LRBA: variants seen among roughly 807,000 people sequenced by gnomAD.
LRBA encodes the protein LPS responsive beige-like anchor protein.
In LRBA, 176 loss-of-function variants were observed where a neutral mutation model predicts 330.0. The ratio of observed to expected loss-of-function variants is 0.53; its 90% CI spans 0.47 to 0.60. The LOEUF is 0.60. Among genes scored for constraint, LRBA ranks in the 20% least tolerant of loss-of-function variants. The pLI is 0.00. For missense variants in LRBA, 3,259 were observed against 3,444.8 expected (o/e 0.95, Z 1.35); for synonymous variants, 1,230 against 1,193.0 (o/e 1.03, Z -0.64).
At chr4:150,422,624 A>G in intron 46 of LRBA, 1 of 597,336 alleles carries the variant, frequency 1.7e-6, no homozygotes, top group Admixed American at 2.7e-5. Flanking sequence ...ACAAGGTTCC[A>G]TGAAGAGCAC....
chr4:150,352,551 C>T (rs986185800), intron 47 of LRBA, among the ~76,000 whole-genome samples: 12 of 152,102 alleles, frequency 7.9e-5, no homozygotes, highest in African/African-American at 2.7e-4. Context: ...AAATGCTTTA[C>T]ATTTACAAAT....
chr4:150,349,843 G>C, intron 48 of LRBA, 149 bp downstream of exon 48: 1 of 614,902 alleles, frequency 1.6e-6, no homozygotes. Flanking sequence ...TTCTTGCTAG[G>C]TCACTGATAA....
chr4:150,413,676 G>A (rs943806624), intron 47 of LRBA, among the ~76,000 whole-genome samples: 1 of 152,164 alleles, frequency 6.6e-6, no homozygotes, highest in Non-Finnish European at 1.5e-5. Flanking sequence ...ACTCGTGAGT[G>A]TTCTAAAGCT....
Position 150,828,356 on chromosome 4 carries a change from C to G in LRBA, c.4995G>C (p.Lys1665Asn). ...KNDRGNDLDT[K>N]ATPSVSVSKN... ...TTGAAACTGAAACTGACGGTGTAGCCTTAGTGTCCAAGTCATTTCCTCTAT... is the reference window on the plus strand; with the variant it reads ...TTGAAACTGAAACTGACGGTGTAGCGTTAGTGTCCAAGTCATTTCCTCTAT... The change falls in exon 30 of 57, where the codon AAG (lysine) becomes AAC (asparagine). Residue 1665 changes from lysine to asparagine, a missense_variant. Lys to Asn is a moderately conservative substitution (Grantham distance 94, BLOSUM62 0). Transcript: ENST00000651943. 6.2e-7 allele frequency: 1 copy of G among 1,614,096 alleles called. No individual in the cohort carries two copies.
chr4:150,442,896 A>G (rs1401908793), intron 44 of LRBA, among the ~76,000 whole-genome samples: 2 of 152,190 alleles, frequency 1.3e-5, no homozygotes, highest in Non-Finnish European at 2.9e-5. Flanking sequence ...TTGATTAGGG[A>G]ATAATGATTT....
intron 44 of LRBA, among the ~76,000 whole-genome samples, chr4:150,444,877 G>A (rs1752390224): frequency 6.6e-6 from 1 of 152,096 alleles, no homozygotes; most frequent in Non-Finnish European, 1.5e-5. Flanking sequence ...ATAGTTCTAT[G>A]TTATTCAGCT....
intron 42 of LRBA, among the ~76,000 whole-genome samples, chr4:150,474,689 T>C (rs1756521990): frequency 6.6e-6 from 1 of 152,180 alleles, no homozygotes; most frequent in Non-Finnish European, 1.5e-5. Flanking sequence ...CTTTTCATTG[T>C]ACAAATCTTA....
intron 37 of LRBA, among the ~76,000 whole-genome samples, chr4:150,672,415 A>G (rs1782145508): frequency 6.6e-6 from 1 of 151,962 alleles, no homozygotes; most frequent in Non-Finnish European, 1.5e-5. Flanking sequence ...AGAAGTATAT[A>G]CTTACTAAGG....
chr4:150,746,507 CTTTTT>C (rs923454215), intron 35 of LRBA, among the ~76,000 whole-genome samples: 3 of 136,488 alleles, frequency 2.2e-5, no homozygotes. Flanking sequence ...GTTTCTCTTA[CTTTTT>C]TTTTTTTTTT....
At chr4:150,563,338 G>A (rs1288724733) in intron 40 of LRBA, among the ~76,000 whole-genome samples, 2 of 152,108 alleles carry the variant, frequency 1.3e-5, no homozygotes, top group Admixed American at 6.6e-5. Flanking sequence ...AAAGGCCTTC[G>A]ATAAAATTCA....
chr4:150,989,355 C>T (rs1002148976), intron 2 of LRBA, among the ~76,000 whole-genome samples: 2 of 151,956 alleles, frequency 1.3e-5, no homozygotes, highest in East Asian at 3.9e-4. Flanking sequence ...TGGTTCACAC[C>T]TGTAATCCCA....
chr4:150,604,742 C>T (rs1774460127), intron 37 of LRBA, among the ~76,000 whole-genome samples: 1 of 152,180 alleles, frequency 6.6e-6, no homozygotes, highest in African/African-American at 2.4e-5. Context: ...GCAATGCTCA[C>T]TGTACATTAC....
At chr4:150,518,956 C>A (rs1243185553) in intron 40 of LRBA, among the ~76,000 whole-genome samples, 1 of 152,090 alleles carries the variant, frequency 6.6e-6, no homozygotes, top group Non-Finnish European at 1.5e-5. Flanking sequence ...ATCTCTGTGA[C>A]CTCTGCCACA....
intron 2 of LRBA, among the ~76,000 whole-genome samples, chr4:150,977,605 C>T (rs1056663420): frequency 3.9e-5 from 6 of 152,132 alleles, no homozygotes; most frequent in African/African-American, 1.2e-4. Context: ...CTGAGATCCC[C>T]GATTCTAGGC....
At chr4:150,760,948 C>T (rs1034268844) in intron 35 of LRBA, among the ~76,000 whole-genome samples, 3 of 152,128 alleles carry the variant, frequency 2.0e-5, no homozygotes, top group African/African-American at 7.2e-5. Flanking sequence ...AGAGAGCAAA[C>T]CTTGATTCCT....
At chr4:150,948,837 A>C (rs192722472) in intron 2 of LRBA, among the ~76,000 whole-genome samples, 2 of 152,064 alleles carry the variant, frequency 1.3e-5, no homozygotes, top group East Asian at 1.9e-4. Flanking sequence ...CACACACACA[A>C]AAAGTCTAAC....
intron 17 of LRBA, among the ~76,000 whole-genome samples, chr4:150,883,451 C>A (rs532763464): frequency 2.0e-5 from 3 of 152,024 alleles, no homozygotes; most frequent in Non-Finnish European, 1.5e-5. Flanking sequence ...CAGAGTGAGA[C>A]GCTGTCTCAA....
chr4:150,931,175 C>T (rs1734454311), intron 2 of LRBA, among the ~76,000 whole-genome samples: 1 of 151,770 alleles, frequency 6.6e-6, no homozygotes, highest in African/African-American at 2.4e-5. Flanking sequence ...GTACAGAATT[C>T]CTTTATACTC....
At chr4:150,712,189 C>T (rs565114053) in intron 36 of LRBA, among the ~76,000 whole-genome samples, 5 of 152,142 alleles carry the variant, frequency 3.3e-5, no homozygotes, top group Non-Finnish European at 7.4e-5. Context: ...ATAAATAATG[C>T]CCACCTGGCT....
Sources: gnomAD v4.1 joint callset for allele counts (sites outside exome capture counted in the v4.1 genomes callset) on GRCh38, gnomAD v4.1.1 for gene constraint, MANE v1.5 for transcripts, NCBI Gene and HGNC (gene_info 2026-07-23, HGNC 2026-07-21) for gene names.